The following RBMS1 variants were observed in gnomAD, a reference collection of about 807,000 sequenced individuals.
RBMS1 encodes the protein RNA binding motif single stranded interacting protein 1.
RBMS1 carries 17 observed loss-of-function variants against 62.3 expected under a neutral mutation model. That is an observed-to-expected ratio of 0.27 (90% confidence interval 0.19 to 0.41). RBMS1 has a LOEUF of 0.41. Among genes scored for constraint, RBMS1 ranks in the 10% least tolerant of loss-of-function variants. RBMS1 has a pLI of 1.00. For synonymous variants in RBMS1, 172 were observed against 170.0 expected (o/e 1.01, Z -0.09); for missense variants, 334 against 504.5 (o/e 0.66, Z 3.24).
intron 2 of RBMS1, among the ~76,000 whole-genome samples, chr2:160,352,472 A>C (rs1277636907): frequency 3.9e-5 from 6 of 152,152 alleles, no homozygotes; most frequent in Non-Finnish European, 7.4e-5. Flanking sequence ...TTAGCCTTTA[A>C]GTACAAAAAC....
chr2:160,470,389 T>C (rs772475470), intron 1 of RBMS1, among the ~76,000 whole-genome samples: 1 of 152,192 alleles, frequency 6.6e-6, no homozygotes, highest in Non-Finnish European at 1.5e-5. Flanking sequence ...CTTATCTATG[T>C]TTTATATTTT....
intron 4 of RBMS1, among the ~76,000 whole-genome samples, chr2:160,306,352 C>T (rs1026785935): frequency 6.6e-6 from 1 of 151,848 alleles, no homozygotes; most frequent in African/African-American, 2.4e-5. Flanking sequence ...GAAAGTTTAC[C>T]GATGAGGAAA....
At chr2:160,367,554 C>A in intron 1 of RBMS1, 163 bp from the exon 2 acceptor site, 1 of 1,269,842 alleles carries the variant, frequency 7.9e-7, no homozygotes, top group Non-Finnish European at 1.0e-6. Flanking sequence ...TTTAAAAAAG[C>A]CCTCTCCTTC....
intron 1 of RBMS1, among the ~76,000 whole-genome samples, chr2:160,466,981 G>A (rs1684722183): frequency 6.6e-6 from 1 of 152,166 alleles, no homozygotes; most frequent in Non-Finnish European, 1.5e-5. Context: ...CCTGACAATA[G>A]TAGGCAATAA....
rs114435176 is a variant in RBMS1, at chr2:160,349,664, T to G, written c.251+17552A>C. On this transcript the variant is annotated intron_variant, in intron 2 of 13. Coordinates refer to ENST00000348849, the MANE Select transcript of RBMS1 (RefSeq NM_016836.4). ...TATCAAGATAAAAATGCCTCCGCAA[T>G]TAGGGATTTGGGCTCATACCCAGCC... Among the ~76,000 whole-genome samples the G allele has an allele frequency of 5.8e-3, 886 of 151,864 alleles. 2 individuals carry two copies. Among genetic ancestry groups the G allele is most frequent in the Admixed American group, 9.6e-3 (147 of 15,242 alleles).
intron 2 of RBMS1, among the ~76,000 whole-genome samples, chr2:160,327,224 G>T (rs1456191711): frequency 6.6e-6 from 1 of 152,130 alleles, no homozygotes; most frequent in Non-Finnish European, 1.5e-5. Flanking sequence ...AATGAAACTG[G>T]TCATCTCTAC....
intron 1 of RBMS1, among the ~76,000 whole-genome samples, chr2:160,433,719 T>G (rs920756438): frequency 5.3e-5 from 8 of 152,256 alleles, no homozygotes; most frequent in African/African-American, 1.9e-4. Flanking sequence ...AAATGTGGCT[T>G]GGCTTTGGAG....
intron 6 of RBMS1, among the ~76,000 whole-genome samples, chr2:160,288,891 C>T (rs1688543567): frequency 1.3e-5 from 2 of 151,960 alleles, no homozygotes; most frequent in Admixed American, 1.3e-4. Context: ...CCGTTTTTCT[C>T]TATTAGCATA....
At chr2:160,437,366 G>A (rs1339588500) in intron 1 of RBMS1, among the ~76,000 whole-genome samples, 1 of 152,136 alleles carries the variant, frequency 6.6e-6, no homozygotes, top group Non-Finnish European at 1.5e-5. Flanking sequence ...CAATTAGCAA[G>A]AATAGTATAT....
intron 1 of RBMS1, among the ~76,000 whole-genome samples, chr2:160,455,683 C>CTTTTTT (rs67701380): frequency 7.9e-6 from 1 of 127,208 alleles, no homozygotes; most frequent in Non-Finnish European, 1.6e-5. Flanking sequence ...CATTCCCAAG[C>CTTTTTT]TTTTTTTTTT....
At position 160,311,226 on chromosome 2, in the gene RBMS1, ATCTATC is replaced by A. The variant is rs1199100917; in HGVS notation, c.402+1924_402+1929del. Among the ~76,000 whole-genome samples, 233 of 74,812 alleles carry A rather than the reference ATCTATC, an allele frequency of 3.1e-3. 4 individuals are homozygous for A. The highest frequency in any genetic ancestry group is 4.9e-3 in the African/African-American group (113 of 22,870). 49.1% of individuals were successfully genotyped at this position (74,812 alleles called of 152,430 possible). Reference sequence around the variant, plus strand: ...AAAAAAAAAATCTATCTATCTATCTATCTATCTATATATATATATATATATATATAT... The same window carrying A: ...AAAAAAAAAATCTATCTATCTATCTATATATATATATATATATATATATAT... On this transcript the variant is annotated intron_variant, in intron 4 of 13. Coordinates refer to ENST00000348849, the MANE Select transcript of RBMS1 (RefSeq NM_016836.4).
rs138522826 is a variant in RBMS1 at position 160,348,068 on chromosome 2, G to A, written c.251+19148C>T. Among the ~76,000 whole-genome samples, 11 of 151,980 alleles carry A rather than the reference G, an allele frequency of 7.2e-5. No individual in the cohort carries two copies. In the East Asian group the frequency reaches 1.6e-3, roughly 21 times the overall value. On this transcript the variant is annotated intron_variant, in intron 2 of 13. Coordinates refer to ENST00000348849, the MANE Select transcript of RBMS1 (RefSeq NM_016836.4). ...AGTGATTATCTCTAATTTTATTACC[G>A]GAAAAAGTTTTCCTAATTGTGATCC...
At chr2:160,482,761 G>A (rs1461146757) in intron 1 of RBMS1, among the ~76,000 whole-genome samples, 2 of 152,136 alleles carry the variant, frequency 1.3e-5, no homozygotes, top group African/African-American at 4.8e-5. Flanking sequence ...CCATTTGCAG[G>A]ATTTAACAAG....
chr2:160,350,916 G>C (rs566775795), intron 2 of RBMS1, among the ~76,000 whole-genome samples: 2 of 152,192 alleles, frequency 1.3e-5, no homozygotes, highest in South Asian at 4.1e-4. Context: ...CTAGATCCTT[G>C]AGGAATCGCC....
intron 1 of RBMS1, among the ~76,000 whole-genome samples, chr2:160,474,503 A>G (rs1685048322): frequency 6.6e-6 from 1 of 152,214 alleles, no homozygotes; most frequent in African/African-American, 2.4e-5. Flanking sequence ...GAAACCAGAA[A>G]CACCACCTCT....
At chr2:160,338,696 T>A (rs1012281441) in intron 2 of RBMS1, among the ~76,000 whole-genome samples, 1 of 152,216 alleles carries the variant, frequency 6.6e-6, no homozygotes, top group Non-Finnish European at 1.5e-5. Flanking sequence ...ACCTTTGACA[T>A]AATTGGTGCT....
chr2:160,432,223 G>A (rs1313700127), intron 1 of RBMS1: 2 of 152,160 alleles, frequency 1.3e-5, no homozygotes, highest in Non-Finnish European at 2.9e-5. Flanking sequence ...TGGTAAAGCA[G>A]ACTCTGATCC....
chr2:160,374,873 T>C (rs1465592079), intron 1 of RBMS1, among the ~76,000 whole-genome samples: 1 of 151,300 alleles, frequency 6.6e-6, no homozygotes, highest in Admixed American at 6.6e-5. Flanking sequence ...GAGGTTATAG[T>C]GAGCTGAGAT....
At chr2:160,389,310 A>C (rs1405731927) in intron 1 of RBMS1, among the ~76,000 whole-genome samples, 1 of 152,258 alleles carries the variant, frequency 6.6e-6, no homozygotes, top group African/African-American at 2.4e-5. Flanking sequence ...CATGAAATAC[A>C]TAAATGCTAT....
Sources: gnomAD v4.1 joint callset for allele counts (sites outside exome capture counted in the v4.1 genomes callset) on GRCh38, gnomAD v4.1.1 for gene constraint, MANE v1.5 for transcripts, NCBI Gene and HGNC (gene_info 2026-07-23, HGNC 2026-07-21) for gene names.